PPP6R3: variants seen among roughly 807,000 people sequenced by gnomAD.
The protein encoded by PPP6R3 is protein phosphatase 6 regulatory subunit 3.
A neutral mutation model predicts 110.7 loss-of-function variants in PPP6R3; 38 were observed. The ratio of observed to expected loss-of-function variants is 0.34; its 90% CI spans 0.26 to 0.45. The LOEUF is 0.45. PPP6R3 is among the 20% of genes least tolerant of loss of function. The pLI, the probability that PPP6R3 is intolerant of heterozygous loss-of-function variation, is 1.00. For synonymous variants in PPP6R3, 369 were observed against 373.5 expected (o/e 0.99, Z 0.14); for missense variants, 870 against 1,062.4 (o/e 0.82, Z 2.52).
intron 18 of PPP6R3, among the ~76,000 whole-genome samples, chr11:68,594,347 TGAGA>T (rs148881935): frequency 2.6e-3 from 217 of 84,696 alleles, no homozygotes; most frequent in African/African-American, 6.4e-3. Flanking sequence ...AGAGAGAGAG[TGAGA>T]GAGAGAGAGA....
At chr11:68,480,989 A>G (rs1479396903) in intron 1 of PPP6R3, among the ~76,000 whole-genome samples, 3 of 152,190 alleles carry the variant, frequency 2.0e-5, no homozygotes, top group African/African-American at 4.8e-5. Flanking sequence ...GAAAATGTTA[A>G]CATTGACTCC....
At chr11:68,541,836 A>G (rs1376689098) in intron 3 of PPP6R3, among the ~76,000 whole-genome samples, 1 of 151,736 alleles carries the variant, frequency 6.6e-6, no homozygotes, top group Non-Finnish European at 1.5e-5. Flanking sequence ...AGGAGGGGGG[A>G]CAGTGGGTTA....
intron 2 of PPP6R3, among the ~76,000 whole-genome samples, chr11:68,531,955 C>T (rs1424182303): frequency 6.6e-6 from 1 of 152,196 alleles, no homozygotes; most frequent in Non-Finnish European, 1.5e-5. Context: ...GTAGGTGGTT[C>T]ACATAAATTA....
chr11:68,594,351 A>AGAGAGAGAGAGT (rs2099606605), intron 18 of PPP6R3, among the ~76,000 whole-genome samples: 1 of 147,120 alleles, frequency 6.8e-6, no homozygotes, highest in African/African-American at 2.6e-5. Flanking sequence ...AGAGAGTGAG[A>AGAGAGAGAGAGT]GAGAGAGAGA....
chr11:68,464,445 T>C (rs2098731672), intron 1 of PPP6R3, among the ~76,000 whole-genome samples: 1 of 152,190 alleles, frequency 6.6e-6, no homozygotes, highest in Non-Finnish European at 1.5e-5. Context: ...ATCTATTTTT[T>C]AGAAGCTTCT....
intron 1 of PPP6R3, among the ~76,000 whole-genome samples, chr11:68,515,374 C>T (rs1295287076): frequency 6.6e-6 from 1 of 152,256 alleles, no homozygotes; most frequent in Non-Finnish European, 1.5e-5. Flanking sequence ...AAGGCAGACA[C>T]AGCACAGTAC....
chr11:68,541,299 G>A (rs2099313952), intron 3 of PPP6R3, among the ~76,000 whole-genome samples: 1 of 152,212 alleles, frequency 6.6e-6, no homozygotes, highest in South Asian at 2.1e-4. Context: ...TCTGTGGTTA[G>A]GGACTGTAGG....
chr11:68,608,239 A>G (rs184630713), intron 22 of PPP6R3, among the ~76,000 whole-genome samples: 2 of 152,358 alleles, frequency 1.3e-5, no homozygotes, highest in African/African-American at 4.8e-5. Flanking sequence ...ACTAGTAAGA[A>G]GAAGAAAACC....
At chr11:68,481,555 TAGAG>T (rs2153381218) in intron 1 of PPP6R3, among the ~76,000 whole-genome samples, 1 of 152,348 alleles carries the variant, frequency 6.6e-6, no homozygotes, top group South Asian at 2.1e-4. Flanking sequence ...GGACATGGGT[TAGAG>T]AGAGCGAGCT....
intron 2 of PPP6R3, among the ~76,000 whole-genome samples, chr11:68,534,420 A>G (rs2099258619): frequency 1.3e-5 from 2 of 152,146 alleles, no homozygotes; most frequent in South Asian, 2.1e-4. Context: ...GCAGGCTGTG[A>G]GCTGGATTTG....
intron 3 of PPP6R3, among the ~76,000 whole-genome samples, chr11:68,544,383 A>G (rs892470746): frequency 6.6e-6 from 1 of 152,236 alleles, no homozygotes; most frequent in Non-Finnish European, 1.5e-5. Flanking sequence ...CCAGGTCCCT[A>G]CAGAGTGCCT....
chr11:68,569,713 G>A, intron 10 of PPP6R3, 35 bp from the exon 11 acceptor site: 1 of 1,509,918 alleles, frequency 6.6e-7, no homozygotes, highest in Non-Finnish European at 9.0e-7. Context: ...AAACATTGAG[G>A]TAACCGAATA....
At chr11:68,543,021 A>G (rs758775521) in intron 3 of PPP6R3, among the ~76,000 whole-genome samples, 3 of 152,204 alleles carry the variant, frequency 2.0e-5, no homozygotes, top group Non-Finnish European at 4.4e-5. Flanking sequence ...GCATTCTGCC[A>G]TTTTATAGTG....
chr11:68,609,800 G>A (rs1039285103), intron 22 of PPP6R3, 104 bp from the exon 23 acceptor site: 23 of 1,578,586 alleles, frequency 1.5e-5, no homozygotes, highest in African/African-American at 4.0e-5. Context: ...CTTTGCCTCC[G>A]CGGCAGTCAT....
At chr11:68,554,326 G>C in intron 7 of PPP6R3, 69 bp downstream of exon 7, 2 of 1,232,838 alleles carry the variant, frequency 1.6e-6, no homozygotes, top group Non-Finnish European at 2.3e-6. Flanking sequence ...CATTGTGAGT[G>C]ATTGGTAAGT....
intron 1 of PPP6R3, among the ~76,000 whole-genome samples, chr11:68,504,695 T>A (rs1197402818): frequency 1.3e-5 from 2 of 152,216 alleles, no homozygotes; most frequent in Non-Finnish European, 2.9e-5. Flanking sequence ...CTACTATAGC[T>A]GTCTAGTGTA....
At chr11:68,547,514 C>G (rs1422513786) in intron 4 of PPP6R3, among the ~76,000 whole-genome samples, 1 of 152,196 alleles carries the variant, frequency 6.6e-6, no homozygotes, top group Non-Finnish European at 1.5e-5. Context: ...TGCCTCTCCA[C>G]CAGCTGCCCT....
chr11:68,550,070 A>G (rs953424748), intron 5 of PPP6R3, among the ~76,000 whole-genome samples: 1 of 152,192 alleles, frequency 6.6e-6, no homozygotes. Context: ...GAATGGTCCT[A>G]GACATCACTT....
intron 2 of PPP6R3, among the ~76,000 whole-genome samples, chr11:68,526,147 G>A (rs982628124): frequency 8.6e-5 from 13 of 152,002 alleles, no homozygotes; most frequent in African/African-American, 1.9e-4. Context: ...TCATTTGTTC[G>A]CTCTTGGAAT....
Sources: allele counts gnomAD v4.1 joint callset (sites outside exome capture counted in the v4.1 genomes callset), GRCh38; gene constraint gnomAD v4.1.1; transcripts MANE v1.5; gene names NCBI Gene and HGNC (gene_info 2026-07-23, HGNC 2026-07-21).